Variants in SNX29 observed in about 807,000 individuals in gnomAD.
SNX29 encodes sorting nexin-29.
SNX29 carries 78 observed loss-of-function variants against 102.1 expected under a neutral mutation model. The ratio of observed to expected loss-of-function variants is 0.76; its 90% CI spans 0.64 to 0.92. The LOEUF (loss-of-function observed/expected upper bound fraction) is 0.92. SNX29 is among the 40% of genes least tolerant of loss of function. The pLI is 0.00. For synonymous variants in SNX29, 580 were observed against 414.5 expected, an observed-to-expected ratio of 1.40 and a Z score of -4.85; for missense variants, 1,280 against 1,061.7, an observed-to-expected ratio of 1.21 and a Z score of -2.86.
intron 18 of SNX29, among the ~76,000 whole-genome samples, chr16:12,441,380 G>A (rs905051666): frequency 2.0e-5 from 3 of 152,068 alleles, no homozygotes; most frequent in Non-Finnish European, 2.9e-5. Flanking sequence ...GAGCCACCAC[G>A]CCTGGCCTAC....
At chr16:12,472,529 C>CAAAAAAAAAAAAA (rs60223249) in intron 18 of SNX29, among the ~76,000 whole-genome samples, 19 of 72,910 alleles carry the variant, frequency 2.6e-4, no homozygotes, top group Non-Finnish European at 3.9e-4. Flanking sequence ...AAAAAAAAAC[C>CAAAAAAAAAAAAA]AAAAAAAAAA....
At chr16:12,027,594 T>A (rs1447383583) in intron 4 of SNX29, 150 bp downstream of exon 4, 1 of 866,118 alleles carries the variant, frequency 1.2e-6, no homozygotes, top group Non-Finnish European at 1.7e-6. Flanking sequence ...TTAATAGTAG[T>A]CAAAACGTAA....
intron 20 of SNX29, among the ~76,000 whole-genome samples, chr16:12,536,780 A>G (rs1448403786): frequency 6.6e-6 from 1 of 152,214 alleles, no homozygotes; most frequent in Non-Finnish European, 1.5e-5. Flanking sequence ...GTTTCAGACC[A>G]GCCTGGCCAA....
At chr16:12,412,757 CTA>C (rs1334890962) in intron 18 of SNX29, among the ~76,000 whole-genome samples, 3 of 152,192 alleles carry the variant, frequency 2.0e-5, no homozygotes, top group Non-Finnish European at 2.9e-5. Flanking sequence ...TGTAAATAGT[CTA>C]TAGGTAGAGG....
chr16:12,319,662 C>G (rs750893232), intron 15 of SNX29, among the ~76,000 whole-genome samples: 8 of 152,108 alleles, frequency 5.3e-5, no homozygotes, highest in African/African-American at 1.9e-4. Context: ...GTTTCACAGA[C>G]CAGGAAACTG....
rs570196509 is a variant in SNX29, at chr16:12,574,003, C to T, written c.*5374C>T. 5.1e-4 allele frequency: 100 copies of T among 197,934 alleles called. 1 individual carries two copies. The highest frequency in any genetic ancestry group is 2.1e-3 in the African/African-American group (92 of 43,434). The allele number at this position is 197,934 out of a possible 1,614,324, so 12.3% of individuals were successfully genotyped here. A position where few individuals can be genotyped will look rare whatever the true frequency, so the allele number is the denominator to read the frequency against. On this transcript the variant is annotated 3_prime_UTR_variant, in exon 21 of 21. Coordinates refer to ENST00000566228, the MANE Select transcript of SNX29 (RefSeq NM_032167.5). ...CCCATGATCGGCTCCCAGTGCACCCCCTTAAGGGTAAGCAGGCCACATATC... is the reference window on the plus strand; with the variant it reads ...CCCATGATCGGCTCCCAGTGCACCCTCTTAAGGGTAAGCAGGCCACATATC...
intron 4 of SNX29, among the ~76,000 whole-genome samples, chr16:12,028,827 C>T (rs2057263152): frequency 6.6e-6 from 1 of 151,262 alleles, no homozygotes; most frequent in Admixed American, 6.6e-5. Context: ...TGGCTCAATG[C>T]AACCTCCGCT....
intron 20 of SNX29, among the ~76,000 whole-genome samples, chr16:12,542,231 A>C (rs933598618): frequency 6.6e-6 from 1 of 150,936 alleles, no homozygotes; most frequent in Non-Finnish European, 1.5e-5. Context: ...GAGGGATAGG[A>C]CCTAGTGTTA....
At chr16:12,045,170 T>C (rs2050036889) in intron 5 of SNX29, among the ~76,000 whole-genome samples, 1 of 152,224 alleles carries the variant, frequency 6.6e-6, no homozygotes, top group Non-Finnish European at 1.5e-5. Context: ...GGTTTGTACG[T>C]CTACTAACAT....
chr16:12,114,209 A>G (rs1351401121), intron 11 of SNX29, among the ~76,000 whole-genome samples: 1 of 152,204 alleles, frequency 6.6e-6, no homozygotes, highest in Non-Finnish European at 1.5e-5. Context: ...CTTAAGTAAA[A>G]TAAGGGAATA....
chr16:12,446,725 A>G (rs2086072074), intron 18 of SNX29, among the ~76,000 whole-genome samples: 1 of 152,200 alleles, frequency 6.6e-6, no homozygotes, highest in African/African-American at 2.4e-5. Context: ...GATGAGGATT[A>G]AATGATTTAA....
chr16:12,528,490 AC>A (rs2076846551), intron 20 of SNX29, among the ~76,000 whole-genome samples: 1 of 151,878 alleles, frequency 6.6e-6, no homozygotes, highest in South Asian at 2.1e-4. Context: ...GTGAGCCACC[AC>A]CCCCAGCCTA....
chr16:12,482,708 G>A (rs1727628966), intron 19 of SNX29, among the ~76,000 whole-genome samples: 1 of 152,196 alleles, frequency 6.6e-6, no homozygotes, highest in Admixed American at 6.5e-5. Flanking sequence ...AATAGCAAGC[G>A]TAGTTTAGCC....
intron 4 of SNX29, among the ~76,000 whole-genome samples, chr16:12,040,333 C>G (rs1325185066): frequency 6.6e-6 from 1 of 151,928 alleles, no homozygotes; most frequent in Non-Finnish European, 1.5e-5. Context: ...AGCTGTCCAG[C>G]CTGGGTGACA....
At position 12,320,447 on chromosome 16, in the gene SNX29, C is replaced by T. The variant is rs557660611; in HGVS notation, c.1783-35716C>T. On this transcript the variant is annotated intron_variant, in intron 15 of 20. Transcript: ENST00000566228. Reference sequence around the variant, plus strand: ...CCTGAATGAATGTGAAGACAGGAAGCGCTCAGCCACCATCATCAGCCCCAA... The same window carrying T: ...CCTGAATGAATGTGAAGACAGGAAGTGCTCAGCCACCATCATCAGCCCCAA... Among the ~76,000 whole-genome samples, 7 of 152,246 alleles carry T rather than the reference C, an allele frequency of 4.6e-5. No individual in the cohort carries two copies. The East Asian group carries it at 5.8e-4, about 13-fold the overall frequency.
At chr16:12,076,855 A>G (rs552967732) in intron 10 of SNX29, among the ~76,000 whole-genome samples, 1 of 152,338 alleles carries the variant, frequency 6.6e-6, no homozygotes, top group East Asian at 1.9e-4. Flanking sequence ...TACCTGGAAC[A>G]GTCAAGGGTT....
chr16:12,571,678 G>C lies in SNX29; in HGVS notation c.*3049G>C, dbSNP rs756237823. The C allele has an allele frequency of 5.1e-5, 54 of 1,059,434 alleles. No homozygotes were observed. The highest frequency in any genetic ancestry group is 4.8e-5 in the Non-Finnish European group (42 of 876,230). The allele number at this position is 1,059,434 out of a possible 1,614,324, so 65.6% of individuals were successfully genotyped here. A position where few individuals can be genotyped will look rare whatever the true frequency, so the allele number is the denominator to read the frequency against. ...AGGAACGGTAGGGCTGGGCAGAGGT[G>C]TCTCTCCTTGAGAGACAACAAAAGC... is the stretch of plus-strand genomic sequence containing the variant. On this transcript the variant is annotated 3_prime_UTR_variant, in exon 21 of 21. Transcript: ENST00000566228.
chr16:12,394,547 C>T (rs1356924662), intron 16 of SNX29, among the ~76,000 whole-genome samples: 1 of 152,166 alleles, frequency 6.6e-6, no homozygotes, highest in Non-Finnish European at 1.5e-5. Context: ...CGACTGGGCT[C>T]AGCTGGGTGG....
intron 15 of SNX29, among the ~76,000 whole-genome samples, chr16:12,322,045 G>A (rs911939392): frequency 1.1e-4 from 16 of 152,138 alleles, no homozygotes; most frequent in African/African-American, 2.2e-4. Flanking sequence ...TCGGGGTCCC[G>A]GTCCTGTGTC....
Sources: gnomAD v4.1 joint callset for allele counts (sites outside exome capture counted in the v4.1 genomes callset) on GRCh38, gnomAD v4.1.1 for gene constraint, MANE v1.5 for transcripts, NCBI Gene and HGNC (gene_info 2026-07-23, HGNC 2026-07-21) for gene names.